ADAM12: variants seen among roughly 807,000 people sequenced by gnomAD.
The protein encoded by ADAM12 is disintegrin and metalloproteinase domain-containing protein 12.
A neutral mutation model predicts 106.4 loss-of-function variants in ADAM12; 70 were observed. The observed-to-expected ratio is 0.66, with a 90% CI of 0.54 to 0.80. The LOEUF (loss-of-function observed/expected upper bound fraction) is 0.80. Ranked by LOEUF, ADAM12 falls within the 30% of genes least tolerant of loss-of-function variation. ADAM12 has a pLI of 0.00. For synonymous variants in ADAM12, 420 were observed against 433.5 expected (o/e 0.97, Z 0.39); for missense variants, 1,010 against 1,171.9 (o/e 0.86, Z 2.02).
chr10:126,113,279 G>T (rs969661798), intron 6 of ADAM12, among the ~76,000 whole-genome samples: 3 of 152,142 alleles, frequency 2.0e-5, no homozygotes, highest in Admixed American at 6.5e-5. Context: ...GGAGGTGGAA[G>T]ATGGGGACAG....
At chr10:126,178,928 C>A (rs529799726) in intron 3 of ADAM12, among the ~76,000 whole-genome samples, 19 of 152,046 alleles carry the variant, frequency 1.2e-4, no homozygotes, top group African/African-American at 4.1e-4. Context: ...ATGCCTATAA[C>A]CCCAGCTACT....
chr10:126,019,699 G>C lies in ADAM12; in HGVS notation c.2656C>G (p.Leu886Val), dbSNP rs141115475. The change falls in exon 22 of 23, where the codon CTC (leucine) becomes GTC (valine). Residue 886 changes from leucine to valine, a missense_variant. By Grantham distance (32) the Leu-to-Val change is conservative. Coordinates refer to ENST00000448723, the MANE Select transcript of ADAM12 (RefSeq NM_001288973.2). ...GGCATGGCATGTCACACAAACCTGA[G>C]GGGTGCCAGGCGGAGCCCAGTCTCC... ...QWETGLRLAP[L>V]RPAPQYPHQV... The C allele has an allele frequency of 1.9e-5, 30 of 1,613,578 alleles. No individual in the cohort carries two copies. The African/African-American group carries it at 2.8e-4, about 15-fold the overall frequency.
In ADAM12 at chr10:126,029,962, T is replaced by C. The variant is rs73374518; in HGVS notation, c.2529+6184A>G. Among the ~76,000 whole-genome samples the C allele has an allele frequency of 7.4e-3, 1,121 of 152,314 alleles. 13 individuals are homozygous for C. Among genetic ancestry groups the C allele is most frequent in the African/African-American group, 0.023 (960 of 41,560 alleles). On this transcript the variant is annotated intron_variant, in intron 21 of 22. Coordinates refer to ENST00000448723, the MANE Select transcript of ADAM12 (RefSeq NM_001288973.2). ...AGTCTATCAAATTTCTAAATGCATA[T>C]GACTTTTGCACAGCAATTGTGCTTT...
At chr10:126,342,167 T>A (rs1854952910) in intron 1 of ADAM12, among the ~76,000 whole-genome samples, 1 of 151,962 alleles carries the variant, frequency 6.6e-6, no homozygotes, top group African/African-American at 2.4e-5. Flanking sequence ...GGGAATAAGG[T>A]GGGACTTCAA....
At chr10:126,119,732 A>C in intron 5 of ADAM12, among the ~76,000 whole-genome samples, 1 of 152,226 alleles carries the variant, frequency 6.6e-6, no homozygotes, top group Non-Finnish European at 1.5e-5. Flanking sequence ...TTAGCCATGG[A>C]CCATGACACA....
chr10:126,130,942 C>G (rs17743910), intron 5 of ADAM12, among the ~76,000 whole-genome samples: 21,560 of 152,150 alleles, frequency 0.14, 1,933 homozygotes, highest in Middle Eastern at 0.31. Context: ...CTTTGCCCAT[C>G]AAGAATCTGA....
intron 3 of ADAM12, among the ~76,000 whole-genome samples, chr10:126,212,189 C>T (rs1004860487): frequency 6.6e-6 from 1 of 152,192 alleles, no homozygotes; most frequent in Non-Finnish European, 1.5e-5. Flanking sequence ...GGATTTTCTC[C>T]TCTTTTATGC....
rs1312391444 is a variant in ADAM12 at position 126,086,663 on chromosome 10, AAAAAAAAAAAAAAAAAAATATAT to A, written c.1145+7299_1145+7321del. Among the ~76,000 whole-genome samples, 17 of 52,964 alleles carry A rather than the reference AAAAAAAAAAAAAAAAAAATATAT, an allele frequency of 3.2e-4. 3 individuals are homozygous for A. The highest frequency in any genetic ancestry group is 2.1e-3 in the African/African-American group (16 of 7,634). The allele number at this position is 52,964 out of a possible 152,430, so 34.7% of individuals were successfully genotyped here. A position where few individuals can be genotyped will look rare whatever the true frequency, so the allele number is the denominator to read the frequency against. Reference sequence around the variant, plus strand: ...ATGGACTCTGCCTCAAAAAAAAAAAAAAAAAAAAAAAAAAAAAATATATATATATATATATATATATATAAAAT... The same window carrying A: ...ATGGACTCTGCCTCAAAAAAAAAAAAATATATATATATATATATATAAAAT... On this transcript the variant is annotated intron_variant, in intron 11 of 22. Coordinates refer to ENST00000448723, the MANE Select transcript of ADAM12 (RefSeq NM_001288973.2).
At chr10:126,323,783 G>A (rs1238212173) in intron 2 of ADAM12, among the ~76,000 whole-genome samples, 1 of 152,170 alleles carries the variant, frequency 6.6e-6, no homozygotes, top group Non-Finnish European at 1.5e-5. Flanking sequence ...AGGTAGAGGT[G>A]GCACCTGAGG....
In ADAM12 at chr10:126,163,009, C is replaced by T. The variant is rs1324652091; in HGVS notation, c.261-7704G>A. On this transcript the variant is annotated intron_variant, in intron 3 of 22. Coordinates refer to ENST00000448723, the MANE Select transcript of ADAM12 (RefSeq NM_001288973.2). ...GGTCAATTAAAAGCATGTGGCACCT[C>T]CTCCTCCCACCCCTTCCTCTCACTT... Among the ~76,000 whole-genome samples, 4 of 152,140 alleles carry T rather than the reference C, an allele frequency of 2.6e-5. No homozygotes were observed. The East Asian group carries it at 7.7e-4, about 29-fold the overall frequency.
At chr10:126,206,523 A>G (rs1351475489) in intron 3 of ADAM12, among the ~76,000 whole-genome samples, 1 of 152,180 alleles carries the variant, frequency 6.6e-6, no homozygotes, top group East Asian at 1.9e-4. Context: ...TGCTGCCTCT[A>G]GAATGTGTGT....
At chr10:126,080,341 T>G (rs1955187846) in intron 11 of ADAM12, among the ~76,000 whole-genome samples, 1 of 152,186 alleles carries the variant, frequency 6.6e-6, no homozygotes, top group Admixed American at 6.5e-5. Flanking sequence ...CTCATCACAA[T>G]GTACTTTTTA....
At chr10:126,172,648 A>G (rs1211295592) in intron 3 of ADAM12, among the ~76,000 whole-genome samples, 1 of 152,188 alleles carries the variant, frequency 6.6e-6, no homozygotes, top group East Asian at 1.9e-4. Flanking sequence ...ATGCTTTTAC[A>G]CTGTTGGTGG....
chr10:126,025,234 G>A (rs1274569554), intron 21 of ADAM12, among the ~76,000 whole-genome samples: 1 of 152,114 alleles, frequency 6.6e-6, no homozygotes, highest in Non-Finnish European at 1.5e-5. Flanking sequence ...TGAGAAGGTG[G>A]GTAATAAAGA....
At chr10:126,354,053 A>T (rs1401410539) in intron 1 of ADAM12, among the ~76,000 whole-genome samples, 1 of 151,412 alleles carries the variant, frequency 6.6e-6, no homozygotes, top group Non-Finnish European at 1.5e-5. Flanking sequence ...TTTTTTAAAG[A>T]AAAAGATATT....
At chr10:126,224,902 A>T (rs1322601280) in intron 3 of ADAM12, among the ~76,000 whole-genome samples, 1 of 152,196 alleles carries the variant, frequency 6.6e-6, no homozygotes, top group Admixed American at 6.5e-5. Flanking sequence ...ACTCGGGAAA[A>T]GTGGACATCA....
At chr10:126,308,765 T>C (rs1960955616) in intron 2 of ADAM12, among the ~76,000 whole-genome samples, 1 of 152,188 alleles carries the variant, frequency 6.6e-6, no homozygotes, top group Non-Finnish European at 1.5e-5. Flanking sequence ...GAACATCTCA[T>C]CTCAGATAAG....
At chr10:126,153,093 C>T (rs989488171) in intron 4 of ADAM12, among the ~76,000 whole-genome samples, 3 of 152,130 alleles carry the variant, frequency 2.0e-5, no homozygotes, top group Admixed American at 6.5e-5. Flanking sequence ...TTGTTAGTTA[C>T]CCTTTGGTAG....
chr10:126,305,683 TTCTC>T (rs747996080), intron 2 of ADAM12, among the ~76,000 whole-genome samples: 66 of 152,254 alleles, frequency 4.3e-4, no homozygotes, highest in Non-Finnish European at 5.3e-4. Flanking sequence ...TGATATGGTT[TTCTC>T]TCTTTTTAAT....
Sources: gnomAD v4.1 joint callset for allele counts (sites outside exome capture counted in the v4.1 genomes callset) on GRCh38, gnomAD v4.1.1 for gene constraint, MANE v1.5 for transcripts, NCBI Gene and HGNC (gene_info 2026-07-23, HGNC 2026-07-21) for gene names.